The following ADPGK variants were observed in gnomAD, a reference collection of about 807,000 sequenced individuals.
ADPGK encodes ADP dependent glucokinase.
A neutral mutation model predicts 42.4 loss-of-function variants in ADPGK; 26 were observed. The observed-to-expected ratio is 0.61, with a 90% CI of 0.45 to 0.85. The LOEUF (loss-of-function observed/expected upper bound fraction) is 0.85, where lower values mean the gene tolerates loss of function less well. Among genes scored for constraint, ADPGK ranks in the 40% least tolerant of loss-of-function variants. The pLI is 0.00. For synonymous variants in ADPGK, 267 were observed against 252.6 expected (o/e 1.06, Z -0.54); for missense variants, 571 against 627.0 (o/e 0.91, Z 0.95).
Position 72,765,897 on chromosome 15 carries a change from A to G in ADPGK, c.523-5370T>C, listed in dbSNP as rs140502992. Reference sequence around the variant, plus strand: ...TATGAATATTGTTGAAATGACAACAAAAGATTTAGAGTATTACATACACTT... The same window carrying G: ...TATGAATATTGTTGAAATGACAACAGAAGATTTAGAGTATTACATACACTT... On this transcript the variant is annotated intron_variant, in intron 3 of 6. Transcript: ENST00000456471. Among the ~76,000 whole-genome samples the G allele has an allele frequency of 2.3e-3, 353 of 152,384 alleles. 1 individual carries two copies. The highest frequency in any genetic ancestry group is 8.3e-3 in the African/African-American group (345 of 41,596).
chr15:72,762,437 A>G (rs1222541031), intron 3 of ADPGK, among the ~76,000 whole-genome samples: 1 of 152,198 alleles, frequency 6.6e-6, no homozygotes, highest in Non-Finnish European at 1.5e-5. Flanking sequence ...CTTCTGGATA[A>G]AAACATACTC....
chr15:72,761,585 C>T lies in ADPGK; in HGVS notation c.523-1058G>A, dbSNP rs187740472. On this transcript the variant is annotated intron_variant, in intron 3 of 6. Coordinates refer to ENST00000456471, the MANE Select transcript of ADPGK (RefSeq NM_001365225.1). ...TTCCTGCTCCTCAACTCCAATAAAC[C>T]GCTGTTTTTGACACAACATTCAAGG... 5.8e-4 allele frequency among the ~76,000 whole-genome samples: 89 copies of T among 152,260 alleles called. 1 individual carries two copies. The South Asian group carries it at 9.3e-3, about 16-fold the overall frequency.
Position 72,783,525 on chromosome 15 carries a change from C to T in ADPGK, c.167G>A (p.Arg56Gln), listed in dbSNP as rs2066496423. The change falls in exon 1 of 7, where the codon CGG becomes CAG. Residue 56 changes from arginine (R) to glutamine (Q), a missense_variant. Arg to Gln is a conservative substitution (Grantham distance 43, BLOSUM62 1). Around this residue, in one of 2 missense-constraint regions of ADPGK, gnomAD observed 137 missense variants for 104.2 expected, o/e 1.31. Transcript: ENST00000456471. ...APPGPVSPEG[R>Q]LAAAWDALIV... ...AAGCGCGTCCCAGGCTGCCGCCAAC[C>T]GGCCCTCGGGGGAGACGGGTCCCGG... The T allele has an allele frequency of 2.7e-6, 4 of 1,477,188 alleles. No individual in the cohort carries two copies. Among genetic ancestry groups the T allele is most frequent in the Non-Finnish European group, 8.9e-7 (1 of 1,121,276 alleles). 91.5% of individuals were successfully genotyped at this position (1,477,188 alleles called of 1,614,324 possible).
rs573764853 is a variant in ADPGK, at chr15:72,760,544, C to T, written c.523-17G>A. On this transcript the variant is annotated splice_polypyrimidine_tract_variant and intron_variant, in intron 3 of 6. Coordinates refer to ENST00000456471, the MANE Select transcript of ADPGK (RefSeq NM_001365225.1). ...AAGAAGAACCTGGAGGCAAGCAACA[C>T]GAAGTCCATCAGGAGCCCCGTTCCT... 2.6e-5 allele frequency: 42 copies of T among 1,591,352 alleles called. No homozygotes were observed. Among genetic ancestry groups the T allele is most frequent in the East Asian group, 2.5e-4 (11 of 44,180 alleles).
At chr15:72,761,666 G>A (rs536077666) in intron 3 of ADPGK, among the ~76,000 whole-genome samples, 48 of 151,446 alleles carry the variant, frequency 3.2e-4, no homozygotes, top group South Asian at 6.3e-4. Flanking sequence ...AGATTTAAAG[G>A]AAAGTCCACA....
intron 3 of ADPGK, among the ~76,000 whole-genome samples, chr15:72,766,494 C>T (rs971116638): frequency 2.0e-5 from 3 of 152,174 alleles, no homozygotes; most frequent in Admixed American, 2.0e-4. Flanking sequence ...AGATTATGAC[C>T]GTCTGAAAGC....
intron 3 of ADPGK, among the ~76,000 whole-genome samples, chr15:72,760,799 G>A (rs751503071): frequency 3.3e-5 from 5 of 152,148 alleles, no homozygotes; most frequent in Non-Finnish European, 5.9e-5. Context: ...CTATGCAGCT[G>A]CTACATCTCA....
intron 6 of ADPGK, 49 bp downstream of exon 6, chr15:72,755,507 T>C: frequency 6.9e-7 from 1 of 1,449,150 alleles, no homozygotes; most frequent in Non-Finnish European, 9.6e-7. Flanking sequence ...AAAGCTTCTC[T>C]GCAAGGCTCT....
At chr15:72,763,296 C>CG in intron 3 of ADPGK, among the ~76,000 whole-genome samples, 1 of 151,044 alleles carries the variant, frequency 6.6e-6, no homozygotes, top group Non-Finnish European at 1.5e-5. Context: ...GGATTATGGA[C>CG]ACACACCACC....
Position 72,783,585 on chromosome 15 carries a change from C to CAG in ADPGK, c.105_106dup (p.Trp36SerfsTer56). ...CGCGGGCCCCAGACACAGCGAGCTC[C>CAG]AGAGAGAGCGCAGCGCCGAGCCTGG... On this transcript the variant is annotated frameshift_variant, in exon 1 of 7. Transcript: ENST00000456471. LOFTEE classifies it high-confidence loss of function. The CAG allele has an allele frequency of 2.0e-6, 3 of 1,516,272 alleles. No individual in the cohort carries two copies. Among genetic ancestry groups the CAG allele is most frequent in the Non-Finnish European group, 2.6e-6 (3 of 1,140,224 alleles). 93.9% of individuals were successfully genotyped at this position (1,516,272 alleles called of 1,614,324 possible).
chr15:72,758,158 G>A lies in ADPGK; in HGVS notation c.644-1711C>T. The A allele has an allele frequency of 1.9e-6, 3 of 1,605,502 alleles. No individual in the cohort carries two copies. In the South Asian group the frequency reaches 3.3e-5, roughly 18 times the overall value. ...CCAGGTCTGGCTGAAACTCCTCCAGGCTAGACACAAACACCTCCAGCATAT... is the reference window on the plus strand; with the variant it reads ...CCAGGTCTGGCTGAAACTCCTCCAGACTAGACACAAACACCTCCAGCATAT... On this transcript the variant is annotated intron_variant, in intron 4 of 6. Coordinates refer to ENST00000456471, the MANE Select transcript of ADPGK (RefSeq NM_001365225.1).
At position 72,752,190 on chromosome 15, in the gene ADPGK, A is replaced by G; in HGVS notation, c.*151T>C. 1 of 793,156 alleles carries G rather than the reference A, an allele frequency of 1.3e-6. No individual in the cohort carries two copies. Among genetic ancestry groups the G allele is most frequent in the South Asian group, 2.1e-5 (1 of 47,016 alleles). 49.1% of individuals were successfully genotyped at this position (793,156 alleles called of 1,614,324 possible). A position where few individuals can be genotyped will look rare whatever the true frequency, so the allele number is the denominator to read the frequency against. ...AGCTAAATTCGGATTAAAATCTGAAATGTTTTTATGGAGTTGCCAACAGGC... is the reference window on the plus strand; with the variant it reads ...AGCTAAATTCGGATTAAAATCTGAAGTGTTTTTATGGAGTTGCCAACAGGC... On this transcript the variant is annotated 3_prime_UTR_variant, in exon 7 of 7. Coordinates refer to ENST00000456471, the MANE Select transcript of ADPGK (RefSeq NM_001365225.1).
chr15:72,776,617 T>A (rs1206333125), intron 1 of ADPGK, among the ~76,000 whole-genome samples: 1 of 152,220 alleles, frequency 6.6e-6, no homozygotes, highest in East Asian at 1.9e-4. Flanking sequence ...ATGCTTGTAT[T>A]CCTTTTAGAA....
chr15:72,755,894 T>C (rs2066106562), intron 5 of ADPGK: 1 of 653,194 alleles, frequency 1.5e-6, no homozygotes, highest in African/African-American at 1.8e-5. Context: ...GCAGTTCACT[T>C]CGACTGCTGT....
chr15:72,775,438 T>C (rs2151090880), intron 1 of ADPGK, among the ~76,000 whole-genome samples: 1 of 152,324 alleles, frequency 6.6e-6, no homozygotes, highest in Admixed American at 6.5e-5. Context: ...GGATTCATGC[T>C]GGCCGTGTGA....
At chr15:72,781,691 C>T (rs1342224633) in intron 1 of ADPGK, among the ~76,000 whole-genome samples, 1 of 152,148 alleles carries the variant, frequency 6.6e-6, no homozygotes, top group African/African-American at 2.4e-5. Flanking sequence ...AAGGTAAGGT[C>T]GTAAAAGGCA....
rs752686565 is a variant in ADPGK, at chr15:72,775,104, G to A, written c.234-7C>T. 8.1e-6 allele frequency: 13 copies of A among 1,612,670 alleles called. No individual in the cohort carries two copies. Among genetic ancestry groups the A allele is most frequent in the Non-Finnish European group, 8.5e-6 (10 of 1,178,936 alleles). On this transcript the variant is annotated splice_region_variant and splice_polypyrimidine_tract_variant and intron_variant, in intron 1 of 6. Coordinates refer to ENST00000456471, the MANE Select transcript of ADPGK (RefSeq NM_001365225.1). ...ATCAACACATGCATTGACTCTAGAA[G>A]GAGGAAAAAAACTGTGTGAAAGCAG... is the stretch of plus-strand genomic sequence containing the variant.
At chr15:72,753,324 G>T (rs765784994) in intron 6 of ADPGK, among the ~76,000 whole-genome samples, 1 of 152,242 alleles carries the variant, frequency 6.6e-6, no homozygotes, top group East Asian at 1.9e-4. Context: ...GGGTTATAAT[G>T]ATTTTTTTTA....
At chr15:72,772,912 C>G (rs2066346092) in intron 2 of ADPGK, among the ~76,000 whole-genome samples, 2 of 152,242 alleles carry the variant, frequency 1.3e-5, no homozygotes, top group South Asian at 4.1e-4. Flanking sequence ...ACAGCTAAGG[C>G]TGCTGTTCTA....
Sources: allele counts gnomAD v4.1 joint callset (sites outside exome capture counted in the v4.1 genomes callset), GRCh38; gene constraint gnomAD v4.1.1; regional missense constraint gnomAD v4.1.1; transcripts MANE v1.5; gene names NCBI Gene and HGNC (gene_info 2026-07-23, HGNC 2026-07-21).